The following TENM3 variants were observed in gnomAD, a reference collection of about 807,000 sequenced individuals.
TENM3 encodes the protein teneurin transmembrane protein 3.
In TENM3, 63 loss-of-function variants were observed where a neutral mutation model predicts 255.1. The ratio of observed to expected loss-of-function variants is 0.25; its 90% confidence interval spans 0.20 to 0.30. The LOEUF (loss-of-function observed/expected upper bound fraction) is 0.30. Among genes scored for constraint, TENM3 ranks in the 10% least tolerant of loss-of-function variants. The probability of loss-of-function intolerance (pLI) is 1.00; values close to 1 mark genes in which losing one functional copy is unlikely to be tolerated. For missense variants in TENM3, 2,929 were observed against 3,461.1 expected (o/e 0.85, Z 3.86); for synonymous variants, 1,306 against 1,322.3 (o/e 0.99, Z 0.27).
intron 2 of TENM3, among the ~76,000 whole-genome samples, chr4:182,336,757 TAA>T (rs1476129276): frequency 1.3e-5 from 2 of 152,290 alleles, no homozygotes; most frequent in Non-Finnish European, 2.9e-5. Flanking sequence ...GGATGAAATG[TAA>T]ACCAAAAGTC....
At chr4:181,491,147 AGT>A in the TENM3 span, among the ~76,000 whole-genome samples, 1 of 152,136 alleles carries the variant, frequency 6.6e-6, no homozygotes, top group African/African-American at 2.4e-5. Flanking sequence ...AATTTTAATA[AGT>A]GTGGCACTTA....
At chr4:181,836,413 AT>A in the TENM3 span, among the ~76,000 whole-genome samples, 1 of 152,090 alleles carries the variant, frequency 6.6e-6, no homozygotes, top group Non-Finnish European at 1.5e-5. Context: ...TAAATAATAT[AT>A]TTTTTAAATA....
At chr4:182,016,316 T>A in the TENM3 span, among the ~76,000 whole-genome samples, 1 of 152,324 alleles carries the variant, frequency 6.6e-6, no homozygotes, top group South Asian at 2.1e-4. Flanking sequence ...TTTACCCAAT[T>A]GACAAAAATA....
intron 3 of TENM3, among the ~76,000 whole-genome samples, chr4:182,447,746 T>C (rs1580574972): frequency 6.6e-6 from 1 of 152,200 alleles, no homozygotes; most frequent in Non-Finnish European, 1.5e-5. Context: ...CATGTTTTCC[T>C]TGTTTCTTTA....
intron 3 of TENM3, among the ~76,000 whole-genome samples, chr4:182,441,378 T>C (rs1317964496): frequency 6.6e-6 from 1 of 152,236 alleles, no homozygotes; most frequent in South Asian, 2.1e-4. Flanking sequence ...AATAGTGTGA[T>C]GTATACATAG....
At chr4:181,767,248 T>A in the TENM3 span, among the ~76,000 whole-genome samples, 1 of 91,894 alleles carries the variant, frequency 1.1e-5, no homozygotes, top group Non-Finnish European at 2.1e-5. Context: ...CGAGACTCCG[T>A]CTCAAAAAAA....
chr4:181,884,644 C>T, the TENM3 span, among the ~76,000 whole-genome samples: 6 of 152,094 alleles, frequency 3.9e-5, no homozygotes, highest in Admixed American at 3.3e-4. Context: ...TTATCTCTTT[C>T]GATGGCTGGA....
intron 1 of TENM3, among the ~76,000 whole-genome samples, chr4:182,151,036 C>T (rs1262582886): frequency 6.6e-6 from 1 of 152,162 alleles, no homozygotes; most frequent in East Asian, 1.9e-4. Context: ...TTGTTGACCC[C>T]CCTCTCTGCA....
chr4:182,477,770 T>G (rs1733818582), intron 3 of TENM3, among the ~76,000 whole-genome samples: 1 of 152,228 alleles, frequency 6.6e-6, no homozygotes, highest in Non-Finnish European at 1.5e-5. Flanking sequence ...GCAGTTCATC[T>G]ACTTTATTTT....
chr4:181,600,970 G>A, the TENM3 span, among the ~76,000 whole-genome samples: 3 of 152,258 alleles, frequency 2.0e-5, no homozygotes, highest in South Asian at 4.2e-4. Flanking sequence ...AAGCGTGGTG[G>A]TCTAGGGGAT....
intron 3 of TENM3, among the ~76,000 whole-genome samples, chr4:182,591,947 A>G (rs113276874): frequency 0.027 from 4,043 of 152,066 alleles, 133 homozygotes; most frequent in Non-Finnish European, 0.036. Flanking sequence ...CTTAACTCAA[A>G]TTTTCTCCAT....
the TENM3 span, among the ~76,000 whole-genome samples, chr4:181,845,939 T>C: frequency 6.6e-6 from 1 of 152,316 alleles, no homozygotes; most frequent in Non-Finnish European, 1.5e-5. Context: ...TGCACCTTTC[T>C]TCATTTTCCT....
At chr4:181,566,017 T>G in the TENM3 span, among the ~76,000 whole-genome samples, 41 of 152,022 alleles carry the variant, frequency 2.7e-4, no homozygotes, top group Non-Finnish European at 5.4e-4. Flanking sequence ...AACCACATAC[T>G]ACTACATGCA....
At chr4:182,640,341 TG>T (rs1180387057) in intron 5 of TENM3, among the ~76,000 whole-genome samples, 1 of 152,208 alleles carries the variant, frequency 6.6e-6, no homozygotes, top group Non-Finnish European at 1.5e-5. Context: ...GAAAATGCTG[TG>T]GGGCTTTTCC....
chr4:181,553,282 T>A, the TENM3 span, among the ~76,000 whole-genome samples: 1 of 118,572 alleles, frequency 8.4e-6, no homozygotes, highest in Non-Finnish European at 1.8e-5. Flanking sequence ...TGTGTGTGTG[T>A]GTGTGTGTGT....
At chr4:181,930,499 A>G in the TENM3 span, among the ~76,000 whole-genome samples, 1 of 152,162 alleles carries the variant, frequency 6.6e-6, no homozygotes, top group Non-Finnish European at 1.5e-5. Context: ...GACCAATAAC[A>G]AGTTCTGAAA....
intron 2 of TENM3, among the ~76,000 whole-genome samples, chr4:182,332,138 A>G (rs1212983801): frequency 1.3e-5 from 2 of 152,168 alleles, no homozygotes; most frequent in African/African-American, 4.8e-5. Context: ...ATAAGCCAAA[A>G]CATTTTATCA....
intron 3 of TENM3, among the ~76,000 whole-genome samples, chr4:182,438,368 A>G (rs1215739532): frequency 6.6e-6 from 1 of 152,216 alleles, no homozygotes; most frequent in Non-Finnish European, 1.5e-5. Context: ...AGTTTCAGCC[A>G]TGCATTTTCC....
chr4:182,747,368 A>G (rs1762079477), intron 19 of TENM3, among the ~76,000 whole-genome samples: 1 of 152,214 alleles, frequency 6.6e-6, no homozygotes. Flanking sequence ...AAGCACCACC[A>G]GGATATTACC....
Sources: allele counts gnomAD v4.1 joint callset (sites outside exome capture counted in the v4.1 genomes callset), GRCh38; gene constraint gnomAD v4.1.1; transcripts MANE v1.5; gene names NCBI Gene and HGNC (gene_info 2026-07-23, HGNC 2026-07-21).